Variants in ANKS1B observed in about 807,000 individuals in gnomAD.
ANKS1B encodes ankyrin repeat and sterile alpha motif domain-containing protein 1B.
Under a neutral mutation model 148.3 loss-of-function variants are expected in ANKS1B, and 36 were observed. The observed-to-expected ratio is 0.24, with a 90% confidence interval of 0.19 to 0.32. The LOEUF is 0.32. Among genes scored for constraint, ANKS1B ranks in the 10% least tolerant of loss-of-function variants. The probability of loss-of-function intolerance (pLI) is 1.00; values close to 1 mark genes in which losing one functional copy is unlikely to be tolerated. For synonymous variants in ANKS1B, 542 were observed against 560.8 expected (o/e 0.97, Z 0.47); for missense variants, 1,157 against 1,542.6 (o/e 0.75, Z 4.19).
chr12:99,205,058 G>GCC (rs200843421), intron 14 of ANKS1B, among the ~76,000 whole-genome samples: 2 of 151,312 alleles, frequency 1.3e-5, no homozygotes, highest in African/African-American at 4.9e-5. Context: ...CTTGTACCAG[G>GCC]CCCCCCCCAA....
Position 99,648,548 on chromosome 12 carries a change from T to C in ANKS1B, c.1272+6519A>G, listed in dbSNP as rs755306522. ...CTAACCAGGCTGCTTCCCTTGATGT[T>C]TGTGAAAATAACCATCCACAACAGC... is the stretch of plus-strand genomic sequence containing the variant. On this transcript the variant is annotated intron_variant, in intron 9 of 26. Coordinates refer to ENST00000683438, the MANE Select transcript of ANKS1B (RefSeq NM_001352186.2). 4.5e-5 allele frequency: 72 copies of C among 1,614,140 alleles called. No homozygotes were observed. The Middle Eastern group carries it at 9.9e-4, about 22-fold the overall frequency.
intron 9 of ANKS1B, among the ~76,000 whole-genome samples, chr12:99,592,028 A>G (rs1376385543): frequency 6.6e-6 from 1 of 152,208 alleles, no homozygotes; most frequent in Non-Finnish European, 1.5e-5. Flanking sequence ...AACTATACTC[A>G]AATGTACTGA....
rs1273081824 is a variant in ANKS1B, at chr12:99,246,864, T to C, written c.1757A>G (p.Asp586Gly). Residue 586 changes from aspartate (D) to glycine (G), a missense_variant and splice_region_variant, in exon 13 of 27, where the codon GAT (aspartate) becomes GGT (glycine). Around this residue, in one of 6 missense-constraint regions of ANKS1B, gnomAD observed 661 missense variants for 642.1 expected, o/e 1.03. Transcript: ENST00000683438. ...ATTGTCATCCTGTCGGGAGAGGTCATCTGCAAAAGGAAGGAAGGGATATCA... is the reference window on the plus strand; with the variant it reads ...ATTGTCATCCTGTCGGGAGAGGTCACCTGCAAAAGGAAGGAAGGGATATCA... ...EVKNEGTNHTDDLSRQDDNDP... is the reference protein window; with the variant it reads ...EVKNEGTNHTGDLSRQDDNDP... 6.4e-7 allele frequency: 1 copy of C among 1,571,804 alleles called. No homozygotes were observed.
At chr12:99,961,089 C>CGTG (rs1330408725) in intron 1 of ANKS1B, among the ~76,000 whole-genome samples, 1 of 151,990 alleles carries the variant, frequency 6.6e-6, no homozygotes, top group Non-Finnish European at 1.5e-5. Context: ...ATTAGCCAGG[C>CGTG]GTGGTGACAG....
intron 12 of ANKS1B, among the ~76,000 whole-genome samples, chr12:99,281,857 C>G (rs1162003047): frequency 1.3e-5 from 2 of 152,028 alleles, no homozygotes; most frequent in Non-Finnish European, 2.9e-5. Flanking sequence ...TAAATTGAAC[C>G]ATAAAGATGC....
At chr12:98,815,081 T>G (rs1004541310) in intron 19 of ANKS1B, among the ~76,000 whole-genome samples, 5 of 152,232 alleles carry the variant, frequency 3.3e-5, no homozygotes, top group African/African-American at 1.2e-4. Flanking sequence ...ACTTCCTTTT[T>G]GATCCAGTAG....
At chr12:98,898,034 A>G (rs538147901) in intron 17 of ANKS1B, among the ~76,000 whole-genome samples, 1 of 152,332 alleles carries the variant, frequency 6.6e-6, no homozygotes, top group East Asian at 1.9e-4. Flanking sequence ...AGAGGGAAAC[A>G]GTAGACACTG....
chr12:99,968,254 T>C (rs2095512549), intron 1 of ANKS1B, among the ~76,000 whole-genome samples: 1 of 152,014 alleles, frequency 6.6e-6, no homozygotes. Flanking sequence ...CTGAAAGAGA[T>C]GGATCATAAA....
At chr12:99,279,697 A>G (rs61940239) in intron 12 of ANKS1B, among the ~76,000 whole-genome samples, 49,659 of 152,064 alleles carry the variant, frequency 0.33, 9,733 homozygotes, top group African/African-American at 0.55. Context: ...GGGGGTTTCT[A>G]TAACTGTCTA....
intron 9 of ANKS1B, among the ~76,000 whole-genome samples, chr12:99,568,658 A>G (rs886279825): frequency 6.6e-6 from 1 of 152,212 alleles, no homozygotes; most frequent in African/African-American, 2.4e-5. Context: ...AAATCAACAG[A>G]GGTGTTAGAT....
intron 12 of ANKS1B, among the ~76,000 whole-genome samples, chr12:99,399,072 C>A (rs2094331922): frequency 6.6e-6 from 1 of 151,992 alleles, no homozygotes. Context: ...AGCTCCTTGT[C>A]CCCCAAATAA....
At chr12:99,000,261 CTTTTT>C (rs2099932135) in intron 17 of ANKS1B, among the ~76,000 whole-genome samples, 6 of 141,856 alleles carry the variant, frequency 4.2e-5, no homozygotes, top group African/African-American at 7.9e-5. Context: ...TTTTCTTTTT[CTTTTT>C]CCTTTTTTTT....
chr12:99,807,341 A>G (rs887721131), intron 3 of ANKS1B, among the ~76,000 whole-genome samples: 2 of 152,198 alleles, frequency 1.3e-5, no homozygotes, highest in African/African-American at 4.8e-5. Flanking sequence ...TGTGCAGCTT[A>G]TAAGGGTTCA....
intron 14 of ANKS1B, among the ~76,000 whole-genome samples, chr12:99,194,191 C>G (rs1201573328): frequency 6.6e-6 from 1 of 151,890 alleles, no homozygotes; most frequent in African/African-American, 2.4e-5. Flanking sequence ...TTTATTTACA[C>G]CCATTTGAAG....
chr12:99,323,474 CCCAACAGAGGCTCAATT>C (rs979038047), intron 12 of ANKS1B, among the ~76,000 whole-genome samples: 1 of 152,132 alleles, frequency 6.6e-6, no homozygotes, highest in African/African-American at 2.4e-5. Flanking sequence ...TCTTCTCAAC[CCCAACAGAGGCTCAATT>C]CCAGTACTGA....
chr12:99,414,530 A>AGGCACAT (rs2094829469), intron 11 of ANKS1B, among the ~76,000 whole-genome samples: 1 of 151,772 alleles, frequency 6.6e-6, no homozygotes. Flanking sequence ...TGTCCTTTGC[A>AGGCACAT]GGGACATGGA....
intron 2 of ANKS1B, among the ~76,000 whole-genome samples, chr12:99,823,094 A>G (rs1425470858): frequency 6.6e-6 from 1 of 152,060 alleles, no homozygotes; most frequent in Non-Finnish European, 1.5e-5. Flanking sequence ...ATCTTCTTTT[A>G]AGAAGTGTCT....
intron 8 of ANKS1B, among the ~76,000 whole-genome samples, chr12:99,705,813 A>C (rs1369173852): frequency 1.3e-5 from 2 of 152,166 alleles, no homozygotes; most frequent in African/African-American, 4.8e-5. Flanking sequence ...GGAAAGGCTC[A>C]GGTGAGATTC....
chr12:99,853,637 A>T (rs1432323003), intron 1 of ANKS1B, among the ~76,000 whole-genome samples: 1 of 152,172 alleles, frequency 6.6e-6, no homozygotes, highest in Non-Finnish European at 1.5e-5. Context: ...CCAGAAAAAC[A>T]ATCCTGGTAA....
Sources: allele counts gnomAD v4.1 joint callset (sites outside exome capture counted in the v4.1 genomes callset), GRCh38; gene constraint gnomAD v4.1.1; regional missense constraint gnomAD v4.1.1; transcripts MANE v1.5; gene names NCBI Gene and HGNC (gene_info 2026-07-23, HGNC 2026-07-21).